Variants in RAPGEF1 observed in about 807,000 individuals in gnomAD.
RAPGEF1 encodes Rap guanine nucleotide exchange factor 1, also known as CRK SH3-binding GNRP.
RAPGEF1 carries 33 observed loss-of-function variants against 143.3 expected under a neutral mutation model. The ratio of observed to expected loss-of-function variants is 0.23; its 90% CI spans 0.17 to 0.31. RAPGEF1 has a LOEUF of 0.31. Among genes scored for constraint, RAPGEF1 ranks in the 10% least tolerant of loss-of-function variants. RAPGEF1 has a pLI of 1.00. For missense variants in RAPGEF1, 1,199 were observed against 1,645.4 expected, an observed-to-expected ratio of 0.73 and a Z score of 4.69; for synonymous variants, 629 against 676.5, an observed-to-expected ratio of 0.93 and a Z score of 1.09.
At chr9:131,608,595 T>A (rs573911589) in intron 12 of RAPGEF1, among the ~76,000 whole-genome samples, 2 of 152,344 alleles carry the variant, frequency 1.3e-5, no homozygotes, top group Admixed American at 1.3e-4. Flanking sequence ...CAAAGGGGCC[T>A]GGCCTGCTCT....
intron 12 of RAPGEF1, among the ~76,000 whole-genome samples, chr9:131,616,852 C>T (rs1959088398): frequency 6.6e-6 from 1 of 152,214 alleles, no homozygotes; most frequent in Admixed American, 6.5e-5. Context: ...TGGCACCGTA[C>T]TGAATCCCTT....
intron 3 of RAPGEF1, among the ~76,000 whole-genome samples, chr9:131,643,783 C>G (rs896987848): frequency 3.9e-5 from 6 of 152,188 alleles, no homozygotes; most frequent in Non-Finnish European, 8.8e-5. Flanking sequence ...AAGCACCAGT[C>G]AAGGCCCATG....
At chr9:131,697,789 T>C (rs1456964441) in intron 1 of RAPGEF1, among the ~76,000 whole-genome samples, 1 of 152,208 alleles carries the variant, frequency 6.6e-6, no homozygotes, top group Non-Finnish European at 1.5e-5. Flanking sequence ...ATTCTGCTCT[T>C]GGAAAGCTTG....
intron 1 of RAPGEF1, among the ~76,000 whole-genome samples, chr9:131,652,931 T>C (rs954730045): frequency 1.3e-5 from 2 of 152,242 alleles, no homozygotes; most frequent in Non-Finnish European, 2.9e-5. Flanking sequence ...TGCATTGCGC[T>C]GGATGTAATG....
intron 1 of RAPGEF1, 98 bp downstream of exon 1, chr9:131,739,672 G>A: frequency 1.1e-5 from 10 of 910,688 alleles, no homozygotes; most frequent in Non-Finnish European, 1.3e-5. Context: ...GGCGCACGGA[G>A]GGCCGCACAT....
intron 25 of RAPGEF1, among the ~76,000 whole-genome samples, 188 bp downstream of exon 25, chr9:131,582,417 T>C (rs560013585): frequency 9.2e-5 from 14 of 151,846 alleles, no homozygotes; most frequent in Admixed American, 3.9e-4. Context: ...TTATATATTA[T>C]ATTATATATA....
intron 1 of RAPGEF1, among the ~76,000 whole-genome samples, chr9:131,668,121 G>A (rs993254841): frequency 1.4e-4 from 21 of 152,220 alleles, no homozygotes; most frequent in African/African-American, 3.1e-4. Flanking sequence ...AAACTTTTCC[G>A]CGTGAACAAA....
intron 12 of RAPGEF1, among the ~76,000 whole-genome samples, chr9:131,609,573 G>A (rs779874313): frequency 2.6e-5 from 4 of 152,132 alleles, no homozygotes; most frequent in Non-Finnish European, 4.4e-5. Context: ...AGAGAGGGGT[G>A]CACTGGCCAG....
chr9:131,581,110 G>GGTAACAAGAAC (rs895372226), intron 25 of RAPGEF1, among the ~76,000 whole-genome samples: 1 of 151,738 alleles, frequency 6.6e-6, no homozygotes, highest in Non-Finnish European at 1.5e-5. Context: ...CCACTGCCTG[G>GGTAACAAGAAC]GTAACAAGAA....
chr9:131,587,329 A>G (rs1953316321), intron 22 of RAPGEF1, among the ~76,000 whole-genome samples: 1 of 145,598 alleles, frequency 6.9e-6, no homozygotes. Context: ...CACACACACG[A>G]ATTAAAGACT....
chr9:131,592,229 C>A, intron 17 of RAPGEF1, 46 bp from the exon 18 acceptor site: 1 of 1,478,956 alleles, frequency 6.8e-7, no homozygotes, highest in Non-Finnish European at 9.4e-7. Flanking sequence ...GTGCAGAGTG[C>A]TGGGGGGTGG....
chr9:131,712,182 A>T (rs1297398550), intron 1 of RAPGEF1, among the ~76,000 whole-genome samples: 5 of 152,160 alleles, frequency 3.3e-5, no homozygotes, highest in Admixed American at 1.3e-4. Context: ...GCTCCTCCCC[A>T]GATTAAACTG....
At chr9:131,634,485 G>C (rs1203516137) in intron 5 of RAPGEF1, among the ~76,000 whole-genome samples, 3 of 151,736 alleles carry the variant, frequency 2.0e-5, no homozygotes, top group Non-Finnish European at 4.4e-5. Flanking sequence ...GGCCTAGGTG[G>C]GCGGATCACT....
chr9:131,718,930 T>C (rs899766560), intron 1 of RAPGEF1, among the ~76,000 whole-genome samples: 26 of 152,138 alleles, frequency 1.7e-4, no homozygotes, highest in African/African-American at 6.0e-4. Flanking sequence ...GCACGTACAC[T>C]TGATGCTGTA....
At chr9:131,709,554 G>T in intron 1 of RAPGEF1, 1 of 1,476,166 alleles carries the variant, frequency 6.8e-7, no homozygotes. Context: ...TCTGCTGCTG[G>T]GCCAGTCTCT....
At chr9:131,698,051 G>A (rs1198869611) in intron 1 of RAPGEF1, among the ~76,000 whole-genome samples, 1 of 152,158 alleles carries the variant, frequency 6.6e-6, no homozygotes, top group Non-Finnish European at 1.5e-5. Context: ...GGGCACTGAG[G>A]GACCAGCTGA....
intron 1 of RAPGEF1, among the ~76,000 whole-genome samples, chr9:131,684,555 C>T (rs1386072976): frequency 6.6e-6 from 1 of 152,130 alleles, no homozygotes; most frequent in African/African-American, 2.4e-5. Flanking sequence ...TATGGAACAC[C>T]GCAGATACAA....
chr9:131,696,812 T>C (rs1281183443), intron 1 of RAPGEF1, among the ~76,000 whole-genome samples: 1 of 152,184 alleles, frequency 6.6e-6, no homozygotes, highest in Non-Finnish European at 1.5e-5. Context: ...ATCATGACAA[T>C]AAAAATATCT....
At chr9:131,613,133 T>C (rs904060148) in intron 12 of RAPGEF1, among the ~76,000 whole-genome samples, 8 of 152,238 alleles carry the variant, frequency 5.3e-5, no homozygotes, top group Non-Finnish European at 8.8e-5. Context: ...ACGTACTACA[T>C]GTGTGCTTTT....
Sources: allele counts gnomAD v4.1 joint callset (sites outside exome capture counted in the v4.1 genomes callset), GRCh38; gene constraint gnomAD v4.1.1; transcripts MANE v1.5; gene names NCBI Gene and HGNC (gene_info 2026-07-23, HGNC 2026-07-21).